PEX14: variants seen among roughly 807,000 people sequenced by gnomAD.
PEX14 encodes peroxisomal membrane protein PEX14.
A neutral mutation model predicts 49.5 loss-of-function variants in PEX14; 15 were observed. That is an observed-to-expected ratio of 0.30 (90% CI 0.20 to 0.47). PEX14 has a LOEUF of 0.47. Among genes scored for constraint, PEX14 ranks in the 20% least tolerant of loss-of-function variants. The pLI is 1.00. For missense variants in PEX14, 398 were observed against 494.8 expected, an observed-to-expected ratio of 0.80 and a Z score of 1.86; for synonymous variants, 210 against 212.7, an observed-to-expected ratio of 0.99 and a Z score of 0.11.
chr1:10,576,501 GTTT>G (rs1338918175), intron 3 of PEX14, among the ~76,000 whole-genome samples: 1 of 152,124 alleles, frequency 6.6e-6, no homozygotes, highest in Non-Finnish European at 1.5e-5. Context: ...TTTCGTTTTA[GTTT>G]TTATGGTTTA....
At chr1:10,627,153 T>G in intron 7 of PEX14, 119 bp from the exon 8 acceptor site, 2 of 763,538 alleles carry the variant, frequency 2.6e-6, no homozygotes, top group Non-Finnish European at 2.4e-6. Flanking sequence ...TTCCCCCGGG[T>G]TCCCCAGAAC....
At chr1:10,606,283 A>G (rs1641123072) in intron 4 of PEX14, among the ~76,000 whole-genome samples, 6 of 152,218 alleles carry the variant, frequency 3.9e-5, no homozygotes, top group Admixed American at 3.9e-4. Flanking sequence ...CTTCAGCTCC[A>G]ACTATCCCAC....
chr1:10,591,114 C>T (rs777037391), intron 3 of PEX14, among the ~76,000 whole-genome samples: 52 of 152,200 alleles, frequency 3.4e-4, no homozygotes, highest in Non-Finnish European at 5.0e-4. Flanking sequence ...CTAGCCCTCC[C>T]ATCCCAAAGC....
At chr1:10,546,704 GA>G (rs764815375) in intron 3 of PEX14, among the ~76,000 whole-genome samples, 1,327 of 131,404 alleles carry the variant, frequency 0.01, 6 homozygotes, top group African/African-American at 0.026. Flanking sequence ...GTCTCTACTA[GA>G]AAAAAAAAAA....
intron 3 of PEX14, among the ~76,000 whole-genome samples, chr1:10,564,430 AT>A (rs773997796): frequency 4.3e-3 from 592 of 137,904 alleles, no homozygotes; most frequent in Middle Eastern, 0.027. Flanking sequence ...TTTGCATTTG[AT>A]TTTTTTTTTT....
At chr1:10,575,968 C>T (rs1490616241) in intron 3 of PEX14, among the ~76,000 whole-genome samples, 1 of 152,152 alleles carries the variant, frequency 6.6e-6, no homozygotes, top group Admixed American at 6.5e-5. Context: ...ACAGCTTTCT[C>T]ATATTGTTTT....
intron 1 of PEX14, among the ~76,000 whole-genome samples, chr1:10,488,337 AGTG>A (rs1641408131): frequency 2.0e-5 from 3 of 146,778 alleles, no homozygotes; most frequent in African/African-American, 7.6e-5. Flanking sequence ...TTGTATTTTT[AGTG>A]GAGATGCGGT....
chr1:10,536,135 A>G, intron 2 of PEX14, 78 bp from the exon 3 acceptor site: 1 of 932,624 alleles, frequency 1.1e-6, no homozygotes, highest in Non-Finnish European at 1.8e-6. Flanking sequence ...GGAGCTGGGA[A>G]AAACTCCTAG....
At chr1:10,598,205 C>T (rs1640881845) in intron 3 of PEX14, among the ~76,000 whole-genome samples, 1 of 152,198 alleles carries the variant, frequency 6.6e-6, no homozygotes, top group African/African-American at 2.4e-5. Context: ...TGCAGACTAA[C>T]AGTGACCTCC....
At chr1:10,504,906 C>T (rs547778431) in intron 2 of PEX14, among the ~76,000 whole-genome samples, 1 of 152,118 alleles carries the variant, frequency 6.6e-6, no homozygotes, top group South Asian at 2.1e-4. Context: ...CCTGCCTCCT[C>T]CTCAGTAGCT....
intron 2 of PEX14, among the ~76,000 whole-genome samples, chr1:10,500,241 T>TAA (rs1280986298): frequency 2.9e-5 from 4 of 137,912 alleles, no homozygotes; most frequent in African/African-American, 5.3e-5. Context: ...CGTCTCTACT[T>TAA]AAAAAAAAAA....
chr1:10,504,990 G>A (rs576969738), intron 2 of PEX14, among the ~76,000 whole-genome samples: 2 of 152,018 alleles, frequency 1.3e-5, no homozygotes, highest in Non-Finnish European at 2.9e-5. Flanking sequence ...TCAACATGTT[G>A]GCCAGGCTGG....
At chr1:10,541,276 G>GTT (rs2124491521) in intron 3 of PEX14, among the ~76,000 whole-genome samples, 1 of 152,314 alleles carries the variant, frequency 6.6e-6, no homozygotes, top group East Asian at 1.9e-4. Flanking sequence ...AGACAAACAG[G>GTT]TCACCTTAGC....
chr1:10,526,121 C>T (rs1243871193), intron 2 of PEX14, among the ~76,000 whole-genome samples: 3 of 146,364 alleles, frequency 2.0e-5, no homozygotes, highest in South Asian at 2.2e-4. Context: ...CGGGTTTCAC[C>T]GTGTTAGCCA....
chr1:10,536,468 C>G (rs569348984), intron 3 of PEX14, 171 bp downstream of exon 3: 2 of 653,428 alleles, frequency 3.1e-6, no homozygotes, highest in East Asian at 2.7e-5. Flanking sequence ...GGTTTCTTTC[C>G]TGACAATGGA....
At chr1:10,482,013 C>G (rs971907851) in intron 1 of PEX14, among the ~76,000 whole-genome samples, 1 of 150,982 alleles carries the variant, frequency 6.6e-6, no homozygotes, top group African/African-American at 2.4e-5. Context: ...TTTGTAGAGA[C>G]GGGGTTTTGC....
chr1:10,500,495 G>T (rs572769510), intron 2 of PEX14, among the ~76,000 whole-genome samples: 1 of 151,386 alleles, frequency 6.6e-6, no homozygotes, highest in Non-Finnish European at 1.5e-5. Context: ...TGTGTCTTCT[G>T]TGACTTTTGT....
chr1:10,544,285 A>G (rs895312168), intron 3 of PEX14, among the ~76,000 whole-genome samples: 2 of 152,198 alleles, frequency 1.3e-5, no homozygotes, highest in African/African-American at 4.8e-5. Flanking sequence ...CCCATTTTAC[A>G]TAGATGAAGA....
rs552683266 is a variant in PEX14, at chr1:10,564,155, A to C, written c.169+27858A>C. Among the ~76,000 whole-genome samples the C allele has an allele frequency of 2.2e-5, 3 of 136,912 alleles. No homozygotes were observed. In the South Asian group the frequency reaches 7.6e-4, roughly 34 times the overall value. 89.8% of individuals were successfully genotyped at this position (136,912 alleles called of 152,430 possible). A position where few individuals can be genotyped will look rare whatever the true frequency, so the allele number is the denominator to read the frequency against. On this transcript the variant is annotated intron_variant, in intron 3 of 8. Coordinates refer to ENST00000356607, the MANE Select transcript of PEX14 (RefSeq NM_004565.3). Reference sequence around the variant, plus strand: ...GAATATTCGGCCTGATTGCCTTGTTAGTTTTACAAAATTATTAATTATTCT... The same window carrying C: ...GAATATTCGGCCTGATTGCCTTGTTCGTTTTACAAAATTATTAATTATTCT...
Sources: gnomAD v4.1 joint callset for allele counts (sites outside exome capture counted in the v4.1 genomes callset) on GRCh38, gnomAD v4.1.1 for gene constraint, MANE v1.5 for transcripts, NCBI Gene and HGNC (gene_info 2026-07-23, HGNC 2026-07-21) for gene names.